Variants in DLGAP1 observed in about 807,000 individuals in gnomAD.
The protein encoded by DLGAP1 is disks large-associated protein 1.
Under a neutral mutation model 90.8 loss-of-function variants are expected in DLGAP1, and 11 were observed. That is an observed-to-expected ratio of 0.12 (90% CI 0.08 to 0.20). The LOEUF (loss-of-function observed/expected upper bound fraction) is 0.20, where lower values mean the gene tolerates loss of function less well. Ranked by LOEUF, DLGAP1 falls within the 10% of genes least tolerant of loss-of-function variation. The probability of loss-of-function intolerance (pLI) is 1.00; values close to 1 mark genes in which losing one functional copy is unlikely to be tolerated. For synonymous variants in DLGAP1, 558 were observed against 540.7 expected (o/e 1.03, Z -0.44); for missense variants, 1,050 against 1,333.8 (o/e 0.79, Z 3.31).
chr18:3,502,211 C>T, intron 12 of DLGAP1: 7 of 1,284,672 alleles, frequency 5.4e-6, no homozygotes, highest in Non-Finnish European at 6.9e-6. Flanking sequence ...CAGTTCCTTC[C>T]AGTGACTAAA....
At chr18:4,066,665 G>A (rs555935000) in intron 2 of DLGAP1, among the ~76,000 whole-genome samples, 1 of 152,166 alleles carries the variant, frequency 6.6e-6, no homozygotes, top group African/African-American at 2.4e-5. Context: ...TTATTAAAAA[G>A]TCAAAAAATA....
chr18:3,876,138 G>A (rs1666439920), intron 4 of DLGAP1, among the ~76,000 whole-genome samples: 2 of 152,126 alleles, frequency 1.3e-5, no homozygotes, highest in East Asian at 1.9e-4. Flanking sequence ...TAGCTGGCAC[G>A]GGCTAACCCT....
intron 1 of DLGAP1, among the ~76,000 whole-genome samples, chr18:4,384,071 C>G (rs647349): frequency 0.93 from 141,052 of 152,234 alleles, 66,322 homozygotes; most frequent in East Asian, 1. Flanking sequence ...TGGTCAACAG[C>G]AACGAGACTT....
At chr18:3,833,238 C>T (rs1196689200) in intron 4 of DLGAP1, among the ~76,000 whole-genome samples, 2 of 115,228 alleles carry the variant, frequency 1.7e-5, no homozygotes, top group African/African-American at 3.4e-5. Flanking sequence ...TCCTTCCTTC[C>T]TCCTTGTTTT....
At chr18:3,637,820 C>T (rs905407077) in intron 7 of DLGAP1, among the ~76,000 whole-genome samples, 9 of 151,922 alleles carry the variant, frequency 5.9e-5, no homozygotes, top group African/African-American at 1.7e-4. Flanking sequence ...TAAAACTTAT[C>T]CAATTCCAAA....
chr18:4,196,042 A>G (rs111711766), intron 1 of DLGAP1, among the ~76,000 whole-genome samples: 30 of 152,222 alleles, frequency 2.0e-4, no homozygotes, highest in African/African-American at 7.0e-4. Flanking sequence ...GTGAGATCAA[A>G]GAAAATCCAC....
chr18:3,949,220 G>GT (rs1366835382), intron 3 of DLGAP1, among the ~76,000 whole-genome samples: 2 of 152,100 alleles, frequency 1.3e-5, no homozygotes, highest in Admixed American at 6.5e-5. Flanking sequence ...ACTGCAAACT[G>GT]TATTTCCCAG....
intron 1 of DLGAP1, among the ~76,000 whole-genome samples, chr18:4,246,112 T>C (rs2145161550): frequency 6.6e-6 from 1 of 152,326 alleles, no homozygotes; most frequent in Admixed American, 6.5e-5. Context: ...TATGTGTGTG[T>C]ATCTTGGGGC....
intron 1 of DLGAP1, among the ~76,000 whole-genome samples, chr18:4,188,912 T>G (rs1323954047): frequency 6.6e-6 from 1 of 152,182 alleles, no homozygotes; most frequent in Non-Finnish European, 1.5e-5. Flanking sequence ...CCAGAAGACC[T>G]TTTACTCACT....
At chr18:3,590,900 G>C (rs983913152) in intron 7 of DLGAP1, among the ~76,000 whole-genome samples, 31 of 151,172 alleles carry the variant, frequency 2.1e-4, no homozygotes, top group African/African-American at 7.3e-4. Context: ...AAAATTGAAT[G>C]TAAGTGTTTA....
chr18:3,747,582 G>T (rs528746077), intron 5 of DLGAP1, among the ~76,000 whole-genome samples: 1 of 152,142 alleles, frequency 6.6e-6, no homozygotes. Flanking sequence ...GGGCAGTGAC[G>T]GGAGTGGCTG....
intron 7 of DLGAP1, among the ~76,000 whole-genome samples, chr18:3,629,135 T>A (rs911218202): frequency 1.3e-5 from 2 of 152,208 alleles, no homozygotes; most frequent in Admixed American, 1.3e-4. Context: ...ATTGTTACAC[T>A]TTATAATTTT....
intron 1 of DLGAP1, among the ~76,000 whole-genome samples, chr18:4,295,678 A>G (rs141749953): frequency 7.6e-4 from 116 of 152,336 alleles, no homozygotes; most frequent in African/African-American, 2.5e-3. Flanking sequence ...GACAAATCAC[A>G]TATACTCTCT....
intron 2 of DLGAP1, among the ~76,000 whole-genome samples, chr18:4,080,585 T>G (rs369509086): frequency 3.3e-5 from 5 of 152,196 alleles, no homozygotes; most frequent in African/African-American, 1.2e-4. Flanking sequence ...AGGAAAAGAT[T>G]AACAGAGTCT....
rs141592606 is a variant in DLGAP1 at position 3,582,885 on chromosome 18, T to C, written c.1592-637A>G. 6.2e-3 allele frequency among the ~76,000 whole-genome samples: 847 copies of C among 135,642 alleles called. 6 individuals are homozygous for C. Among genetic ancestry groups the C allele is most frequent in the African/African-American group, 0.022 (808 of 37,130 alleles). 89.0% of individuals were successfully genotyped at this position (135,642 alleles called of 152,430 possible). A position where few individuals can be genotyped will look rare whatever the true frequency, so the allele number is the denominator to read the frequency against. On this transcript the variant is annotated intron_variant, in intron 7 of 12. Transcript: ENST00000315677. ...CCTCCTTCCTTCCTTCTTTCCTTTC[T>C]TCCTCCCTGCTTTTCCTTTTTCCCT...
At chr18:4,212,087 A>AT (rs750383221) in intron 1 of DLGAP1, among the ~76,000 whole-genome samples, 1 of 152,090 alleles carries the variant, frequency 6.6e-6, no homozygotes, top group Non-Finnish European at 1.5e-5. Flanking sequence ...ATAGAAATAC[A>AT]TTTTTCCTGC....
At chr18:3,795,159 C>T (rs536311322) in intron 5 of DLGAP1, among the ~76,000 whole-genome samples, 1 of 152,236 alleles carries the variant, frequency 6.6e-6, no homozygotes, top group African/African-American at 2.4e-5. Context: ...ACAGAGACAC[C>T]CACTGAGTGT....
intron 2 of DLGAP1, among the ~76,000 whole-genome samples, chr18:4,066,723 T>TG (rs1015203971): frequency 1.8e-4 from 27 of 152,142 alleles, no homozygotes; most frequent in South Asian, 1.5e-3. Context: ...TTTACACTGT[T>TG]GGGGGGGTGT....
chr18:4,355,459 T>C (rs1228543429), intron 1 of DLGAP1, among the ~76,000 whole-genome samples: 1 of 152,238 alleles, frequency 6.6e-6, no homozygotes, highest in Admixed American at 6.5e-5. Context: ...ATAAAGGATG[T>C]GTGGCTTTAA....
Sources: allele counts gnomAD v4.1 joint callset (sites outside exome capture counted in the v4.1 genomes callset), GRCh38; gene constraint gnomAD v4.1.1; transcripts MANE v1.5; gene names NCBI Gene and HGNC (gene_info 2026-07-23, HGNC 2026-07-21).